The following SRRM3 variants were observed in gnomAD, a reference collection of about 807,000 sequenced individuals.
SRRM3 encodes the protein serine/arginine repetitive matrix protein 3.
In SRRM3, 27 loss-of-function variants were observed where a neutral mutation model predicts 66.2. That is an observed-to-expected ratio of 0.41 (90% CI 0.30 to 0.56). The LOEUF is 0.56. SRRM3 is among the 20% of genes least tolerant of loss of function. SRRM3 has a pLI of 0.32. For synonymous variants in SRRM3, 391 were observed against 414.9 expected, an observed-to-expected ratio of 0.94 and a Z score of 0.70; for missense variants, 918 against 991.9, an observed-to-expected ratio of 0.93 and a Z score of 1.00.
intron 3 of SRRM3, among the ~76,000 whole-genome samples, chr7:76,256,786 T>G (rs1364962885): frequency 6.7e-6 from 1 of 150,060 alleles, no homozygotes; most frequent in Non-Finnish European, 1.5e-5. Context: ...CTCGGCTCAC[T>G]GCAACCTCCG....
At chr7:76,284,447 G>A (rs1554612474) in intron 14 of SRRM3, among the ~76,000 whole-genome samples, 2 of 152,130 alleles carry the variant, frequency 1.3e-5, no homozygotes, top group Non-Finnish European at 2.9e-5. Context: ...CAAAGTGGTG[G>A]GATTATAGGC....
At chr7:76,281,294 T>G in intron 11 of SRRM3, 147 bp from the exon 12 acceptor site, 1 of 489,254 alleles carries the variant, frequency 2.0e-6, no homozygotes, top group Non-Finnish European at 3.0e-6. Flanking sequence ...TCTGTCTCTG[T>G]CTCTCCCTCT....
intron 3 of SRRM3, among the ~76,000 whole-genome samples, chr7:76,258,042 G>A (rs1801756444): frequency 6.6e-6 from 1 of 152,198 alleles, no homozygotes; most frequent in Non-Finnish European, 1.5e-5. Flanking sequence ...AACATCTGTG[G>A]CAGAGGCTGG....
At chr7:76,254,008 A>T (rs1309308651) in intron 3 of SRRM3, among the ~76,000 whole-genome samples, 1 of 151,838 alleles carries the variant, frequency 6.6e-6, no homozygotes, top group Non-Finnish European at 1.5e-5. Context: ...CCCTGTGCTC[A>T]TCTTTATTTA....
At chr7:76,277,511 T>C (rs535337073) in intron 11 of SRRM3, among the ~76,000 whole-genome samples, 4 of 151,714 alleles carry the variant, frequency 2.6e-5, no homozygotes, top group African/African-American at 9.7e-5. Flanking sequence ...CTGGCCAACA[T>C]GGTGAAACCC....
At chr7:76,230,505 G>A (rs938982416) in intron 1 of SRRM3, among the ~76,000 whole-genome samples, 10 of 152,002 alleles carry the variant, frequency 6.6e-5, no homozygotes, top group Admixed American at 5.9e-4. Context: ...ATTAAAAATC[G>A]TCTGGGCATG....
At position 76,285,710 on chromosome 7, in the gene SRRM3, G is replaced by A. The variant is rs1802649500; in HGVS notation, c.1829G>A (p.Ser610Asn). Reference protein sequence around the residue: ...SDYSTRSHSRSPSPGHSHGSY... With the variant: ...SDYSTRSHSRNPSPGHSHGSY... Reference sequence around the variant, plus strand: ...TACTCGACCCGGAGCCACAGCCGCAGCCCCAGCCCCGGCCACAGCCACGGG... The same window carrying A: ...TACTCGACCCGGAGCCACAGCCGCAACCCCAGCCCCGGCCACAGCCACGGG... The change falls in exon 15 of 15, where the codon AGC becomes AAC. Residue 610 changes from serine to asparagine, a missense_variant. By Grantham distance (46) the Ser-to-Asn change is conservative (BLOSUM62 1). Coordinates refer to ENST00000611745, the MANE Select transcript of SRRM3 (RefSeq NM_001110199.3). This position sits in a 1 kb window ranked among gnomAD's most constrained non-coding sequence, Gnocchi z 4.1. 6.4e-7 allele frequency: 1 copy of A among 1,550,816 alleles called. No homozygotes were observed. Among genetic ancestry groups the A allele is most frequent in the African/African-American group, 1.4e-5 (1 of 73,166 alleles).
chr7:76,248,365 T>C, intron 3 of SRRM3, 76 bp downstream of exon 3: 1 of 1,122,214 alleles, frequency 8.9e-7, no homozygotes, highest in East Asian at 2.5e-5. Context: ...AAGGGGCCTG[T>C]CCAGGTGGCT....
chr7:76,260,258 C>A, intron 5 of SRRM3, 61 bp downstream of exon 5: 1 of 1,311,036 alleles, frequency 7.6e-7, no homozygotes, highest in Non-Finnish European at 1.0e-6. Flanking sequence ...TCCCCGGATG[C>A]CCGTCCCTGG....
chr7:76,254,191 T>G (rs1220161829), intron 3 of SRRM3, among the ~76,000 whole-genome samples: 1 of 151,696 alleles, frequency 6.6e-6, no homozygotes, highest in African/African-American at 2.4e-5. Flanking sequence ...TTTTTGGGTT[T>G]TTTTTTTTTG....
chr7:76,244,473 G>A (rs542811945), intron 2 of SRRM3, among the ~76,000 whole-genome samples: 3 of 148,920 alleles, frequency 2.0e-5, no homozygotes, highest in South Asian at 2.1e-4. Flanking sequence ...GCAGTGAGCC[G>A]AGATTGTGCC....
intron 10 of SRRM3, among the ~76,000 whole-genome samples, 189 bp from the exon 11 acceptor site, chr7:76,267,069 G>A (rs1329766062): frequency 6.6e-6 from 1 of 152,138 alleles, no homozygotes; most frequent in Non-Finnish European, 1.5e-5. Flanking sequence ...ATTGGAAATC[G>A]AGGCACAGCC....
chr7:76,229,192 C>T (rs1800955000), intron 1 of SRRM3, among the ~76,000 whole-genome samples: 1 of 151,578 alleles, frequency 6.6e-6, no homozygotes, highest in Admixed American at 6.6e-5. Flanking sequence ...GCCACCGCGC[C>T]CAGCCGAGAC....
chr7:76,270,739 G>C (rs1802186625), intron 11 of SRRM3, among the ~76,000 whole-genome samples: 1 of 151,814 alleles, frequency 6.6e-6, no homozygotes, highest in South Asian at 2.1e-4. Flanking sequence ...ACTTGAACCT[G>C]GGAGGCAGAG....
intron 2 of SRRM3, among the ~76,000 whole-genome samples, chr7:76,246,725 T>G (rs1191460112): frequency 6.6e-6 from 1 of 152,144 alleles, no homozygotes; most frequent in Non-Finnish European, 1.5e-5. Flanking sequence ...GACATCTGGC[T>G]ACTGGACAAA....
intron 2 of SRRM3, among the ~76,000 whole-genome samples, chr7:76,243,227 G>A (rs1181915216): frequency 6.6e-6 from 1 of 152,180 alleles, no homozygotes; most frequent in Non-Finnish European, 1.5e-5. Context: ...CCACAGAACT[G>A]GGAAGTGGGA....
intron 11 of SRRM3, among the ~76,000 whole-genome samples, chr7:76,281,071 T>C (rs1455426460): frequency 6.9e-6 from 1 of 144,934 alleles, no homozygotes; most frequent in Non-Finnish European, 1.5e-5. Flanking sequence ...CCCTCTCTCT[T>C]TCTCATCTCT....
intron 1 of SRRM3, among the ~76,000 whole-genome samples, chr7:76,212,013 A>T (rs1200215524): frequency 6.7e-6 from 1 of 150,230 alleles, no homozygotes; most frequent in East Asian, 2.0e-4. Context: ...ATAATTTTTT[A>T]AAATGTTTTT....
intron 11 of SRRM3, chr7:76,268,276 C>T (rs1169961287): frequency 6.6e-6 from 1 of 152,090 alleles, no homozygotes; most frequent in African/African-American, 2.4e-5. Context: ...TGGGTTGGGG[C>T]TTCTCCCAGA....
Sources: allele counts gnomAD v4.1 joint callset (sites outside exome capture counted in the v4.1 genomes callset), GRCh38; gene constraint gnomAD v4.1.1; non-coding constraint Gnocchi (gnomAD v3.1); transcripts MANE v1.5; gene names NCBI Gene and HGNC (gene_info 2026-07-23, HGNC 2026-07-21).